The following SPRR2G variants were observed in gnomAD, a reference collection of about 807,000 sequenced individuals.
The protein encoded by SPRR2G is small proline rich protein 2G, also known as small proline-rich protein 2G.
A neutral mutation model predicts 0.7 loss-of-function variants in SPRR2G; 1 was observed. The ratio of observed to expected loss-of-function variants is 1.49; its 90% CI spans 0.53 to 7.06. The LOEUF is 7.06. Ranked by LOEUF, SPRR2G falls within the 30% of genes most tolerant of loss-of-function variation. The pLI, the probability that SPRR2G is intolerant of heterozygous loss-of-function variation, is 0.14. For missense variants in SPRR2G, 96 were observed against 88.5 expected (o/e 1.09, Z -0.34); for synonymous variants, 38 against 33.9 (o/e 1.12, Z -0.42).
the SPRR2G span, among the ~76,000 whole-genome samples, chr1:153,160,639 G>A: frequency 6.6e-6 from 1 of 151,944 alleles, no homozygotes; most frequent in Non-Finnish European, 1.5e-5. Context: ...TTACACTGTT[G>A]GTGGGACTGT....
chr1:153,159,872 T>C, the SPRR2G span, among the ~76,000 whole-genome samples: 1 of 152,284 alleles, frequency 6.6e-6, no homozygotes, highest in South Asian at 2.1e-4. Context: ...GCCTCCGTGA[T>C]CCAATCACCT....
the SPRR2G span, among the ~76,000 whole-genome samples, chr1:153,202,689 C>G: frequency 6.6e-6 from 1 of 152,168 alleles, no homozygotes; most frequent in African/African-American, 2.4e-5. Context: ...CTTCACCACC[C>G]CATCTCCCAA....
chr1:153,188,665 C>T, the SPRR2G span, among the ~76,000 whole-genome samples: 1 of 152,178 alleles, frequency 6.6e-6, no homozygotes, highest in African/African-American at 2.4e-5. Context: ...CTTCAACACC[C>T]TTTCCAGGAG....
the SPRR2G span, among the ~76,000 whole-genome samples, chr1:153,164,312 G>A: frequency 0.013 from 1,951 of 152,302 alleles, 16 homozygotes; most frequent in Middle Eastern, 0.031. Flanking sequence ...AGGCCAGGAA[G>A]AGAGGTACAA....
chr1:153,166,170 G>A, the SPRR2G span, among the ~76,000 whole-genome samples: 10 of 152,160 alleles, frequency 6.6e-5, 1 homozygote, highest in African/African-American at 2.2e-4. Context: ...GGGTTGATAG[G>A]GCAGGTCCAG....
upstream of SPRR2G, among the ~76,000 whole-genome samples, chr1:153,152,778 C>T (rs571798631): frequency 3.3e-5 from 5 of 152,256 alleles, no homozygotes; most frequent in East Asian, 5.8e-4. Flanking sequence ...CTAAGGATTA[C>T]GTGACTTAAA....
upstream of SPRR2G, among the ~76,000 whole-genome samples, chr1:153,153,470 G>A (rs1016058551): frequency 6.6e-6 from 1 of 152,054 alleles, no homozygotes; most frequent in Non-Finnish European, 1.5e-5. Context: ...TTTTTGTAAG[G>A]TGCAAATAAA....
At chr1:153,163,342 A>C in the SPRR2G span, among the ~76,000 whole-genome samples, 1 of 152,366 alleles carries the variant, frequency 6.6e-6, no homozygotes, top group East Asian at 1.9e-4. Flanking sequence ...ACATTCCAAA[A>C]AGAAGGCCAT....
At chr1:153,168,450 T>C in the SPRR2G span, among the ~76,000 whole-genome samples, 804 of 152,342 alleles carry the variant, frequency 5.3e-3, 11 homozygotes, top group Middle Eastern at 0.02. Flanking sequence ...CACAGTCTCA[T>C]TAATTCTGTA....
At chr1:153,177,692 ATCTATATGTGTAT>A in the SPRR2G span, among the ~76,000 whole-genome samples, 1 of 152,134 alleles carries the variant, frequency 6.6e-6, no homozygotes, top group Admixed American at 6.5e-5. Context: ...CTTTTCATTT[ATCTATATGTGTAT>A]TCATACACCA....
At chr1:153,196,790 A>G in the SPRR2G span, among the ~76,000 whole-genome samples, 1 of 152,232 alleles carries the variant, frequency 6.6e-6, no homozygotes, top group Non-Finnish European at 1.5e-5. Context: ...AGCCTGCAGA[A>G]GTCACTCTCA....
chr1:153,153,606 C>T (rs972006919), upstream of SPRR2G, among the ~76,000 whole-genome samples: 10 of 151,640 alleles, frequency 6.6e-5, no homozygotes, highest in African/African-American at 2.2e-4. Context: ...TTATGGGAGT[C>T]CCAGAAATGA....
chr1:153,199,772 C>G, the SPRR2G span, among the ~76,000 whole-genome samples: 1 of 151,876 alleles, frequency 6.6e-6, no homozygotes, highest in Non-Finnish European at 1.5e-5. Context: ...AGAAATCATG[C>G]GATTTCTTAG....
At chr1:153,154,225 G>A (rs1656534139), upstream of SPRR2G, among the ~76,000 whole-genome samples, 2 of 151,208 alleles carry the variant, frequency 1.3e-5, no homozygotes, top group African/African-American at 4.9e-5. Context: ...ACTTGATCAT[G>A]TTGCATTATT....
At chr1:153,153,219 G>T (rs967017941), upstream of SPRR2G, among the ~76,000 whole-genome samples, 3 of 151,716 alleles carry the variant, frequency 2.0e-5, no homozygotes, top group African/African-American at 7.3e-5. Context: ...TTTGAATTTT[G>T]GTATCATGTA....
chr1:153,159,377 T>G, the SPRR2G span, among the ~76,000 whole-genome samples: 5 of 152,194 alleles, frequency 3.3e-5, no homozygotes, highest in African/African-American at 4.8e-5. Context: ...CTCACCTCCA[T>G]CTGAGAACAA....
chr1:153,177,919 A>G, the SPRR2G span, among the ~76,000 whole-genome samples: 1 of 151,854 alleles, frequency 6.6e-6, no homozygotes, highest in Non-Finnish European at 1.5e-5. Context: ...GAATAAATAG[A>G]TCAATTTAAG....
At chr1:153,179,152 C>G in the SPRR2G span, among the ~76,000 whole-genome samples, 6 of 152,294 alleles carry the variant, frequency 3.9e-5, no homozygotes, top group East Asian at 1.2e-3. Flanking sequence ...CATATAATTT[C>G]TTCAGGGAAG....
the SPRR2G span, among the ~76,000 whole-genome samples, chr1:153,200,700 A>ATT: frequency 0.032 from 4,383 of 138,424 alleles, 225 homozygotes; most frequent in African/African-American, 0.11. Context: ...TGAAAGCAGG[A>ATT]TTTTTTTTTT....
Sources: allele counts gnomAD v4.1 joint callset (sites outside exome capture counted in the v4.1 genomes callset), GRCh38; gene constraint gnomAD v4.1.1; transcripts MANE v1.5; gene names NCBI Gene and HGNC (gene_info 2026-07-23, HGNC 2026-07-21).